The following RAD18 variants were observed in gnomAD, a reference collection of about 807,000 sequenced individuals.
The protein encoded by RAD18 is RAD18 E3 ubiquitin protein ligase, also known as E3 ubiquitin-protein ligase RAD18.
A neutral mutation model predicts 60.4 loss-of-function variants in RAD18; 47 were observed. The observed-to-expected ratio is 0.78, with a 90% CI of 0.62 to 0.99. The LOEUF is 0.99. Among genes scored for constraint, RAD18 ranks in the 50% least tolerant of loss-of-function variants. RAD18 has a pLI of 0.00. For synonymous variants in RAD18, 225 were observed against 195.5 expected (o/e 1.15, Z -1.26); for missense variants, 640 against 593.3 (o/e 1.08, Z -0.82).
In RAD18 at chr3:8,880,564, T is replaced by C. The variant is rs1432221065; in HGVS notation, c.*793A>G. 1.3e-5 allele frequency: 2 copies of C among 152,216 alleles called. No homozygotes were observed. The highest frequency in any genetic ancestry group is 2.9e-5 in the Non-Finnish European group (2 of 68,046). 9.4% of individuals were successfully genotyped at this position (152,216 alleles called of 1,614,324 possible). On this transcript the variant is annotated 3_prime_UTR_variant, in exon 13 of 13. Transcript: ENST00000264926. ...CTGTTTTAAGAACATTATTGTAAAC[T>C]GATACTCTCTATTCATTTACAAAAT...
chr3:8,890,243 G>T, intron 12 of RAD18, 146 bp downstream of exon 12: 1 of 624,328 alleles, frequency 1.6e-6, no homozygotes. Context: ...GAAACAAGTA[G>T]TAAACTGAAA....
chr3:8,946,270 A>C (rs1352409837), intron 4 of RAD18, among the ~76,000 whole-genome samples: 1 of 152,262 alleles, frequency 6.6e-6, no homozygotes, highest in African/African-American at 2.4e-5. Context: ...CTATAGTAAC[A>C]TGCTGTACAG....
chr3:8,934,701 C>T (rs1940620203), intron 7 of RAD18, among the ~76,000 whole-genome samples: 1 of 152,100 alleles, frequency 6.6e-6, no homozygotes, highest in African/African-American at 2.4e-5. Flanking sequence ...TATATAACAC[C>T]AATTCCATTC....
rs1486200975 is a variant in RAD18 at position 8,941,818 on chromosome 3, G to C, written c.267-14C>G. The stretch of plus-strand genomic sequence containing the variant: ...AGCAGATGATTCCTTGAAGCACAAA[G>C]AACACAACAGACAATTAAGAGATCC... On this transcript the variant is annotated splice_polypyrimidine_tract_variant and intron_variant, in intron 4 of 12. Transcript: ENST00000264926. 6.3e-7 allele frequency: 1 copy of C among 1,581,730 alleles called. No homozygotes were observed. The highest frequency in any genetic ancestry group is 8.6e-7 in the Non-Finnish European group (1 of 1,156,256).
At chr3:8,961,708 C>T (rs1202031188) in intron 1 of RAD18, among the ~76,000 whole-genome samples, 8 of 152,062 alleles carry the variant, frequency 5.3e-5, no homozygotes, top group Non-Finnish European at 1.5e-5. Context: ...TCCATGATTC[C>T]AATGTGAGCA....
chr3:8,919,449 A>G (rs1036303679), intron 7 of RAD18, among the ~76,000 whole-genome samples: 1 of 152,256 alleles, frequency 6.6e-6, no homozygotes, highest in Non-Finnish European at 1.5e-5. Flanking sequence ...TAAAGCTACC[A>G]TCATAAAAAT....
chr3:8,911,966 A>G (rs946793781), intron 9 of RAD18, among the ~76,000 whole-genome samples: 2 of 152,202 alleles, frequency 1.3e-5, no homozygotes, highest in Non-Finnish European at 2.9e-5. Flanking sequence ...GAAATCCTAT[A>G]CAGAAGTATT....
intron 9 of RAD18, among the ~76,000 whole-genome samples, chr3:8,907,127 TAG>T (rs1396473102): frequency 1.3e-5 from 2 of 152,230 alleles, no homozygotes; most frequent in Non-Finnish European, 2.9e-5. Flanking sequence ...CTCCTTAACT[TAG>T]AGTCTCCAGG....
chr3:8,915,232 T>C (rs1490407778), intron 7 of RAD18, among the ~76,000 whole-genome samples: 6 of 152,062 alleles, frequency 3.9e-5, no homozygotes, highest in Non-Finnish European at 8.8e-5. Flanking sequence ...TCTGATTCTG[T>C]TTAGGTTGTA....
intron 7 of RAD18, among the ~76,000 whole-genome samples, chr3:8,928,512 A>G (rs1940489503): frequency 6.6e-6 from 1 of 152,168 alleles, no homozygotes. Context: ...TATCAGATAG[A>G]TTTTTGAGGC....
At position 8,936,018 on chromosome 3, in the gene RAD18, A is replaced by G. The variant is rs1940645559; in HGVS notation, c.742T>C (p.Tyr248His). Reference sequence around the variant, plus strand: ...AAATCACGATCAGAGAGCAAATTATATACAGTTTTGGGCAGCGGCTTCCTT... The same window carrying G: ...AAATCACGATCAGAGAGCAAATTATGTACAGTTTTGGGCAGCGGCTTCCTT... ...HKRKPLPKTV[Y>H]NLLSDRDLKK... Residue 248 changes from tyrosine to histidine, a missense_variant, in exon 7 of 13, where the codon TAT becomes CAT. By Grantham distance (83) the Tyr-to-His change is moderately conservative. Transcript: ENST00000264926. 6.2e-7 allele frequency: 1 copy of G among 1,608,194 alleles called. No individual in the cohort carries two copies. Among genetic ancestry groups the G allele is most frequent in the South Asian group, 1.1e-5 (1 of 89,792 alleles).
chr3:8,952,098 A>AG (rs1199157014), intron 2 of RAD18, among the ~76,000 whole-genome samples: 5 of 152,216 alleles, frequency 3.3e-5, no homozygotes. Context: ...ATAGGACTTT[A>AG]GGGGGGATAA....
chr3:8,881,553 T>TA, intron 12 of RAD18, 94 bp from the exon 13 acceptor site: 2 of 953,918 alleles, frequency 2.1e-6, no homozygotes, highest in Non-Finnish European at 3.3e-6. Context: ...ATTATTTCAT[T>TA]AAAACCTCGA....
chr3:8,912,185 A>G, intron 9 of RAD18, 127 bp downstream of exon 9: 1 of 731,608 alleles, frequency 1.4e-6, no homozygotes, highest in Non-Finnish European at 2.1e-6. Context: ...TTAAAATTCA[A>G]TCTCTTAAGT....
At chr3:8,886,983 G>A (rs1187278392) in intron 12 of RAD18, among the ~76,000 whole-genome samples, 2 of 152,192 alleles carry the variant, frequency 1.3e-5, no homozygotes, top group East Asian at 1.9e-4. Flanking sequence ...TGTATGTTAC[G>A]TTTCACTGGC....
chr3:8,926,964 A>T (rs967961490), intron 7 of RAD18, among the ~76,000 whole-genome samples: 2 of 152,200 alleles, frequency 1.3e-5, no homozygotes, highest in African/African-American at 4.8e-5. Context: ...CCCTAGAAGA[A>T]AACCTAGGCA....
rs544600853 is a variant in RAD18, at chr3:8,922,666, C to A, written c.890-8946G>T. 3.3e-5 allele frequency among the ~76,000 whole-genome samples: 5 copies of A among 152,330 alleles called. No homozygotes were observed. In the East Asian group the frequency reaches 5.8e-4, roughly 18 times the overall value. ...AGTAGCCTAACTGGGAGGCACCTCC[C>A]AGTAGGGGCAGACTGACACCTCACA... is the stretch of plus-strand genomic sequence containing the variant. On this transcript the variant is annotated intron_variant, in intron 7 of 12. Coordinates refer to ENST00000264926, the MANE Select transcript of RAD18 (RefSeq NM_020165.4).
At chr3:8,946,709 TTAAC>T (rs1236118912) in intron 4 of RAD18, among the ~76,000 whole-genome samples, 3 of 152,340 alleles carry the variant, frequency 2.0e-5, no homozygotes, top group South Asian at 2.1e-4. Context: ...CGATTAAGAA[TTAAC>T]AGATTAATAT....
At chr3:8,922,512 G>A (rs1016115989) in intron 7 of RAD18, among the ~76,000 whole-genome samples, 1 of 152,210 alleles carries the variant, frequency 6.6e-6, no homozygotes, top group East Asian at 1.9e-4. Context: ...CAAACAAAAG[G>A]CAGCAGAAAC....
Sources: gnomAD v4.1 joint callset for allele counts (sites outside exome capture counted in the v4.1 genomes callset) on GRCh38, gnomAD v4.1.1 for gene constraint, MANE v1.5 for transcripts, NCBI Gene and HGNC (gene_info 2026-07-23, HGNC 2026-07-21) for gene names.